WDR20: variants seen among roughly 807,000 people sequenced by gnomAD.
WDR20 encodes WD repeat domain 20.
WDR20 carries 3 observed loss-of-function variants against 38.7 expected under a neutral mutation model. The observed-to-expected ratio is 0.08, with a 90% confidence interval of 0.04 to 0.20. The LOEUF (loss-of-function observed/expected upper bound fraction) is 0.20. WDR20 is among the 10% of genes least tolerant of loss of function. The pLI is 1.00. For synonymous variants in WDR20, 298 were observed against 285.6 expected (o/e 1.04, Z -0.44); for missense variants, 559 against 727.7 (o/e 0.77, Z 2.67).
intron 1 of WDR20, among the ~76,000 whole-genome samples, chr14:102,190,454 G>T (rs1266339714): frequency 2.0e-5 from 3 of 152,102 alleles, no homozygotes; most frequent in African/African-American, 4.8e-5. Flanking sequence ...TTAGCCAGGT[G>T]TGGTGGCAGG....
downstream of WDR20, among the ~76,000 whole-genome samples, chr14:102,219,446 G>A (rs758221699): frequency 5.9e-5 from 9 of 152,234 alleles, no homozygotes; most frequent in African/African-American, 1.2e-4. Context: ...TGATGCCAAC[G>A]CAGGGCCACA....
Position 102,221,614 on chromosome 14 carries a change from G to A in WDR20, c.1693-1216G>A, listed in dbSNP as rs1260577409. On this transcript the variant is annotated intron_variant, in intron 3 of 3. Transcript: ENST00000335263. This position sits in a 1 kb window ranked among gnomAD's most constrained non-coding sequence, Gnocchi z 4.8. ...TGAGCAGGGGCAGCTGCCACATTCC[G>A]TTTGCTTCCTGAGCTTGTCTAGGTG... is the stretch of plus-strand genomic sequence containing the variant. Among the ~76,000 whole-genome samples, 1 of 152,188 alleles carries A rather than the reference G, an allele frequency of 6.6e-6. No homozygotes were observed. Among genetic ancestry groups the A allele is most frequent in the Non-Finnish European group, 1.5e-5 (1 of 68,038 alleles).
rs148418977 is a variant in WDR20, at chr14:102,195,040, C to T, written c.352C>T (p.Leu118Phe). Reference protein sequence around the residue: ...HLTATAESVSLLVGFSAGQVQ... With the variant: ...HLTATAESVSFLVGFSAGQVQ... ...AACAGCCACAGCAGAAAGTGTCTCTCTCCTAGTGGGCTTTTCCGCAGGCCA... is the reference window on the plus strand; with the variant it reads ...AACAGCCACAGCAGAAAGTGTCTCTTTCCTAGTGGGCTTTTCCGCAGGCCA... The change falls in exon 2 of 3, where the codon CTC becomes TTC. Residue 118 changes from leucine (L) to phenylalanine (F), a missense_variant. Leu to Phe is a conservative substitution (Grantham distance 22). Coordinates refer to ENST00000342702, the MANE Select transcript of WDR20 (RefSeq NM_144574.4). 1.2e-5 allele frequency: 20 copies of T among 1,614,126 alleles called. No individual in the cohort carries two copies. The highest frequency in any genetic ancestry group is 1.6e-5 in the Non-Finnish European group (19 of 1,180,054).
chr14:102,186,698 TC>T (rs1369214560), intron 1 of WDR20, among the ~76,000 whole-genome samples: 1 of 152,002 alleles, frequency 6.6e-6, no homozygotes, highest in Non-Finnish European at 1.5e-5. Context: ...ACATCTGTAA[TC>T]CCAGCACTTT....
In WDR20 at chr14:102,208,587, T is replaced by C. The variant is rs1226316135; in HGVS notation, c.433-16T>C. The C allele has an allele frequency of 1.3e-6, 2 of 1,581,562 alleles. No individual in the cohort carries two copies. Among genetic ancestry groups the C allele is most frequent in the African/African-American group, 2.7e-5 (2 of 74,030 alleles). On this transcript the variant is annotated splice_polypyrimidine_tract_variant and intron_variant, in intron 2 of 2. Coordinates refer to ENST00000342702, the MANE Select transcript of WDR20 (RefSeq NM_144574.4). The surrounding 1 kb of genome is among the most constrained non-coding windows in gnomAD (Gnocchi z 5.6). Reference sequence around the variant, plus strand: ...ACTTCTCCGTTGTGCTAACTTGTTCTCCTTTGTCTTCACAGAGACTAATAG... The same window carrying C: ...ACTTCTCCGTTGTGCTAACTTGTTCCCCTTTGTCTTCACAGAGACTAATAG...
downstream of WDR20, among the ~76,000 whole-genome samples, chr14:102,210,900 C>T (rs1400853489): frequency 6.6e-6 from 1 of 152,130 alleles, no homozygotes; most frequent in Admixed American, 6.5e-5. Context: ...TGCAGGTTTC[C>T]CCTCTCCTTG....
In WDR20 at chr14:102,209,256, C is replaced by T. The variant is rs770313487; in HGVS notation, c.1086C>T (p.Pro362=). ...LSKRNSTDSR[P]VSVTYRFGSV... is the part of the protein sequence containing the mutation. The stretch of plus-strand genomic sequence containing the variant: ...AACGGAACTCTACAGACAGCCGCCC[C>T]GTAAGTGTCACGTATCGGTTTGGTT... Residue 362 remains proline (P), a synonymous_variant, in exon 3 of 3, where the codon CCC becomes CCT. Transcript: ENST00000342702. The surrounding 1 kb of genome is among the most constrained non-coding windows in gnomAD (Gnocchi z 6.0). The T allele has an allele frequency of 1.7e-5, 27 of 1,614,034 alleles. No individual in the cohort carries two copies. Among genetic ancestry groups the T allele is most frequent in the South Asian group, 1.1e-4 (10 of 91,082 alleles).
At chr14:102,173,433 A>AATTATTATTATT (rs59078063) in intron 1 of WDR20, among the ~76,000 whole-genome samples, 1 of 138,882 alleles carries the variant, frequency 7.2e-6, no homozygotes, top group East Asian at 2.0e-4. Context: ...CTTTTTTTAA[A>AATTATTATTATT]ATTATTATTA....
chr14:102,200,545 C>T (rs1004647520), intron 2 of WDR20, among the ~76,000 whole-genome samples: 5 of 146,740 alleles, frequency 3.4e-5, no homozygotes, highest in Non-Finnish European at 7.5e-5. Context: ...CTTTTTATAA[C>T]TAATGGTTAT....
chr14:102,203,804 T>C (rs1413394635), intron 2 of WDR20, among the ~76,000 whole-genome samples: 5 of 152,198 alleles, frequency 3.3e-5, no homozygotes, highest in African/African-American at 7.2e-5. Context: ...TTACTTATCA[T>C]TGAGCACTGA....
At chr14:102,186,637 C>T (rs562447661) in intron 1 of WDR20, among the ~76,000 whole-genome samples, 2 of 152,154 alleles carry the variant, frequency 1.3e-5, no homozygotes, top group East Asian at 1.9e-4. Context: ...CACTAGCAGC[C>T]CCAAGCCTGA....
At chr14:102,140,475 G>A (rs866755303) in intron 1 of WDR20, among the ~76,000 whole-genome samples, 2 of 152,112 alleles carry the variant, frequency 1.3e-5, no homozygotes, top group Non-Finnish European at 2.9e-5. Flanking sequence ...CTCTGACATG[G>A]CCAGGGAGCG....
chr14:102,210,542 T>G, downstream of WDR20: 1 of 985,460 alleles, frequency 1.0e-6, no homozygotes, highest in Non-Finnish European at 1.2e-6. Flanking sequence ...TTTGTAGCAC[T>G]TTGATTGAGG....
chr14:102,214,479 G>A, downstream of WDR20: 1 of 985,468 alleles, frequency 1.0e-6, no homozygotes, highest in Non-Finnish European at 1.2e-6. Context: ...CTCCAGTAGA[G>A]GGAGACTGTC....
chr14:102,173,434 AT>A lies in WDR20; in HGVS notation c.250-21502del, dbSNP rs1566913021. Among the ~76,000 whole-genome samples, 7 of 698 alleles carry A rather than the reference AT, an allele frequency of 0.01. No individual in the cohort carries two copies. The East Asian group carries it at 0.22, about 22-fold the overall frequency. 0.5% of individuals were successfully genotyped at this position (698 alleles called of 152,430 possible). ...CGGCCTGTTTTTTTCTTTTTTTAAA[AT>A]TATTATTATTATTATTATTATTATT... On this transcript the variant is annotated intron_variant, in intron 1 of 2. Coordinates refer to ENST00000342702, the MANE Select transcript of WDR20 (RefSeq NM_144574.4).
At chr14:102,158,976 TCA>T (rs1054111769) in intron 1 of WDR20, among the ~76,000 whole-genome samples, 21 of 152,052 alleles carry the variant, frequency 1.4e-4, no homozygotes, top group Non-Finnish European at 2.6e-4. Flanking sequence ...AGGGTCTCTC[TCA>T]GTCACCCAGA....
At chr14:102,144,646 T>C (rs2052910818) in intron 1 of WDR20, among the ~76,000 whole-genome samples, 2 of 152,176 alleles carry the variant, frequency 1.3e-5, no homozygotes, top group Admixed American at 1.3e-4. Flanking sequence ...CCTCAGGAAA[T>C]TTTTCTTTGA....
In WDR20 at chr14:102,209,158, A is replaced by G; in HGVS notation, c.988A>G (p.Ser330Gly). The G allele has an allele frequency of 2.5e-6, 4 of 1,614,178 alleles. No homozygotes were observed. The highest frequency in any genetic ancestry group is 3.4e-6 in the Non-Finnish European group (4 of 1,180,032). Residue 330 changes from serine (S) to glycine (G), a missense_variant, in exon 3 of 3, where the codon AGC (serine) becomes GGC (glycine). Transcript: ENST00000342702. This position sits in a 1 kb window ranked among gnomAD's most constrained non-coding sequence, Gnocchi z 6.0. ...AGGTGACCCTATGGAGTTTAGTGGC[A>G]GCGATGAGGACTTCCAAGACCTTCT... ...EEGDPMEFSG[S>G]DEDFQDLLHF...
intron 1 of WDR20, among the ~76,000 whole-genome samples, chr14:102,192,945 C>T (rs1279705023): frequency 6.6e-6 from 1 of 151,444 alleles, no homozygotes; most frequent in Non-Finnish European, 1.5e-5. Context: ...ATAACTGGGA[C>T]TACAGGCATG....
Sources: gnomAD v4.1 joint callset for allele counts (sites outside exome capture counted in the v4.1 genomes callset) on GRCh38, gnomAD v4.1.1 for gene constraint, Gnocchi (gnomAD v3.1) non-coding constraint, MANE v1.5 for transcripts, NCBI Gene and HGNC (gene_info 2026-07-23, HGNC 2026-07-21) for gene names.